Variants in ALG14 observed in about 807,000 individuals in gnomAD.
ALG14 encodes ALG14 UDP-N-acetylglucosaminyltransferase subunit, also known as UDP-N-acetylglucosamine transferase subunit ALG14.
In ALG14, 17 loss-of-function variants were observed where a neutral mutation model predicts 22.8. That is an observed-to-expected ratio of 0.75 (90% CI 0.51 to 1.12). ALG14 has a LOEUF of 1.12. Ranked by LOEUF, ALG14 falls within the 50% of genes most tolerant of loss-of-function variation. The probability of loss-of-function intolerance (pLI) is 0.00; values close to 1 mark genes in which losing one functional copy is unlikely to be tolerated. For missense variants in ALG14, 288 were observed against 271.8 expected, an observed-to-expected ratio of 1.06 and a Z score of -0.42; for synonymous variants, 89 against 103.7, an observed-to-expected ratio of 0.86 and a Z score of 0.86.
intron 3 of ALG14, among the ~76,000 whole-genome samples, chr1:95,013,341 A>G (rs568001106): frequency 1.4e-5 from 2 of 147,208 alleles, no homozygotes; most frequent in South Asian, 4.3e-4. Flanking sequence ...TGATTTATTT[A>G]TTTTTTTTTT....
intron 2 of ALG14, among the ~76,000 whole-genome samples, chr1:95,033,203 T>C (rs889203656): frequency 1.2e-4 from 18 of 151,930 alleles, no homozygotes; most frequent in Non-Finnish European, 1.2e-4. Context: ...TGCTCCATCA[T>C]TTTACCACCC....
intron 2 of ALG14, among the ~76,000 whole-genome samples, chr1:95,036,046 A>T (rs892587080): frequency 1.3e-5 from 2 of 151,974 alleles, no homozygotes; most frequent in African/African-American, 2.4e-5. Flanking sequence ...TTACCACAAA[A>T]TTTTTTTTTA....
chr1:95,010,953 A>G (rs1403379385), intron 3 of ALG14, among the ~76,000 whole-genome samples: 1 of 152,240 alleles, frequency 6.6e-6, no homozygotes, highest in African/African-American at 2.4e-5. Context: ...TCTTCATTAT[A>G]CAAATAAAGA....
intron 3 of ALG14, among the ~76,000 whole-genome samples, chr1:94,983,902 C>T (rs896388324): frequency 7.2e-5 from 11 of 151,892 alleles, no homozygotes; most frequent in East Asian, 3.9e-4. Flanking sequence ...CCACCACACC[C>T]GGCTAATTTT....
intron 2 of ALG14, among the ~76,000 whole-genome samples, chr1:95,045,226 T>C (rs1261413629): frequency 6.6e-6 from 1 of 152,220 alleles, no homozygotes; most frequent in Non-Finnish European, 1.5e-5. Context: ...GATATAATTA[T>C]TTATAGCATA....
intron 3 of ALG14, among the ~76,000 whole-genome samples, chr1:95,014,251 G>A (rs1283117282): frequency 2.0e-5 from 3 of 152,182 alleles, no homozygotes; most frequent in Non-Finnish European, 2.9e-5. Flanking sequence ...TTTGAAGAGC[G>A]TTTGCTTCCC....
chr1:94,991,746 CT>C (rs1672779335), intron 3 of ALG14, among the ~76,000 whole-genome samples: 1 of 152,058 alleles, frequency 6.6e-6, no homozygotes, highest in Non-Finnish European at 1.5e-5. Flanking sequence ...CTTACTGTAA[CT>C]TTTTTTACTT....
At position 95,020,312 on chromosome 1, in the gene ALG14, T is replaced by G. The variant is rs565663436; in HGVS notation, c.420+6817A>C. 1.8e-4 allele frequency among the ~76,000 whole-genome samples: 28 copies of G among 152,140 alleles called. No homozygotes were observed. The South Asian group carries it at 4.6e-3, about 25-fold the overall frequency. ...CGCTAACTGAAAAAGATACATCTAC[T>G]CAATGACTTCTGGGCAGGGTAAACA... On this transcript the variant is annotated intron_variant, in intron 3 of 3. Coordinates refer to ENST00000370205, the MANE Select transcript of ALG14 (RefSeq NM_144988.4).
intron 3 of ALG14, among the ~76,000 whole-genome samples, chr1:94,995,431 G>A (rs1490752308): frequency 1.3e-5 from 2 of 152,134 alleles, no homozygotes; most frequent in African/African-American, 4.8e-5. Context: ...TGGTATTTTG[G>A]GCAAGGCGCA....
At chr1:95,044,627 C>A (rs1674486385) in intron 2 of ALG14, among the ~76,000 whole-genome samples, 2 of 152,100 alleles carry the variant, frequency 1.3e-5, no homozygotes, top group Non-Finnish European at 2.9e-5. Flanking sequence ...CTTTTCCACC[C>A]CATCAAAATT....
intron 2 of ALG14, among the ~76,000 whole-genome samples, chr1:95,047,598 C>T (rs147759732): frequency 0.18 from 27,151 of 152,140 alleles, 3,061 homozygotes; most frequent in East Asian, 0.58. Flanking sequence ...CCCGCCTTGG[C>T]CTCCCAAAGT....
At chr1:95,018,444 G>A (rs913618615) in intron 3 of ALG14, among the ~76,000 whole-genome samples, 2 of 152,050 alleles carry the variant, frequency 1.3e-5, no homozygotes, top group Non-Finnish European at 2.9e-5. Flanking sequence ...GTTGAGGCAG[G>A]AGAATAGCTT....
At chr1:95,000,777 T>TAAAAAAAAA (rs56810994) in intron 3 of ALG14, among the ~76,000 whole-genome samples, 1 of 65,232 alleles carries the variant, frequency 1.5e-5, no homozygotes, top group African/African-American at 5.7e-5. Flanking sequence ...TATGCCACAC[T>TAAAAAAAAA]AAAAAAAAAA....
chr1:94,994,220 G>A (rs1672852785), intron 3 of ALG14, among the ~76,000 whole-genome samples: 1 of 152,322 alleles, frequency 6.6e-6, no homozygotes. Context: ...CTGGACCAAG[G>A]TGATGATTTC....
intron 3 of ALG14, among the ~76,000 whole-genome samples, chr1:95,001,391 T>A (rs912802537): frequency 1.3e-5 from 2 of 152,186 alleles, no homozygotes; most frequent in African/African-American, 4.8e-5. Flanking sequence ...CTGTCTAATT[T>A]AGGAGAGAAG....
At chr1:95,067,705 G>A (rs769952239) in intron 1 of ALG14, among the ~76,000 whole-genome samples, 1 of 152,098 alleles carries the variant, frequency 6.6e-6, no homozygotes, top group Admixed American at 6.6e-5. Flanking sequence ...TACGGATTAT[G>A]AACAGTTTCT....
chr1:95,009,939 A>G (rs1673318780), intron 3 of ALG14, among the ~76,000 whole-genome samples: 2 of 152,228 alleles, frequency 1.3e-5, no homozygotes, highest in African/African-American at 2.4e-5. Context: ...TAAGTTTAAC[A>G]TGATTTCAAA....
chr1:94,989,629 C>T (rs372114387), intron 3 of ALG14, among the ~76,000 whole-genome samples: 2 of 152,218 alleles, frequency 1.3e-5, no homozygotes, highest in South Asian at 2.1e-4. Flanking sequence ...GTGCCAGCTG[C>T]AGCGTTCACT....
At chr1:95,043,828 AAG>A (rs1328923407) in intron 2 of ALG14, among the ~76,000 whole-genome samples, 7 of 150,932 alleles carry the variant, frequency 4.6e-5, no homozygotes, top group African/African-American at 1.5e-4. Context: ...GGAGAGGAAG[AAG>A]AGAGAGAAGG....
Sources: allele counts gnomAD v4.1 joint callset (sites outside exome capture counted in the v4.1 genomes callset), GRCh38; gene constraint gnomAD v4.1.1; transcripts MANE v1.5; gene names NCBI Gene and HGNC (gene_info 2026-07-23, HGNC 2026-07-21).